The following MTHFD2L variants were observed in gnomAD, a reference collection of about 807,000 sequenced individuals.
MTHFD2L encodes bifunctional methylenetetrahydrofolate dehydrogenase/cyclohydrolase 2, mitochondrial.
In MTHFD2L, 29 loss-of-function variants were observed where a neutral mutation model predicts 34.9. The ratio of observed to expected loss-of-function variants is 0.83; its 90% CI spans 0.62 to 1.13. The LOEUF (loss-of-function observed/expected upper bound fraction) is 1.13, where lower values mean the gene tolerates loss of function less well. Ranked by LOEUF, MTHFD2L falls within the 50% of genes most tolerant of loss-of-function variation. The pLI is 0.00. For missense variants in MTHFD2L, 481 were observed against 446.5 expected, an observed-to-expected ratio of 1.08 and a Z score of -0.70; for synonymous variants, 167 against 155.7, an observed-to-expected ratio of 1.07 and a Z score of -0.54.
At chr4:74,207,421 G>A (rs1023465825) in intron 5 of MTHFD2L, among the ~76,000 whole-genome samples, 20 of 152,112 alleles carry the variant, frequency 1.3e-4, no homozygotes, top group African/African-American at 4.8e-4. Context: ...AGTCCAGTGG[G>A]TCTGGTGTTT....
At chr4:74,263,161 G>A (rs539245929) in intron 6 of MTHFD2L, among the ~76,000 whole-genome samples, 100 of 151,824 alleles carry the variant, frequency 6.6e-4, no homozygotes, top group African/African-American at 9.2e-4. Flanking sequence ...TTATTTCTAC[G>A]TTCTCTATTC....
intron 7 of MTHFD2L, among the ~76,000 whole-genome samples, chr4:74,287,472 C>T (rs1312892792): frequency 1.3e-5 from 2 of 152,128 alleles, no homozygotes; most frequent in African/African-American, 4.8e-5. Flanking sequence ...GCTAGCCAGG[C>T]ATGGTGGCTC....
chr4:74,138,485 C>T (rs1175757030), intron 1 of MTHFD2L, among the ~76,000 whole-genome samples: 1 of 152,140 alleles, frequency 6.6e-6, no homozygotes, highest in Non-Finnish European at 1.5e-5. Flanking sequence ...AGTCATGGGT[C>T]ATGGTAGAGA....
At chr4:74,177,855 C>CT (rs928906205) in intron 3 of MTHFD2L, among the ~76,000 whole-genome samples, 34 of 151,904 alleles carry the variant, frequency 2.2e-4, no homozygotes, top group African/African-American at 7.0e-4. Flanking sequence ...ACTTTAGTGT[C>CT]TATCAGTGGC....
At chr4:74,272,643 G>A (rs757816194) in intron 6 of MTHFD2L, among the ~76,000 whole-genome samples, 1 of 151,996 alleles carries the variant, frequency 6.6e-6, no homozygotes, top group African/African-American at 2.4e-5. Context: ...TATCTGTAGG[G>A]GCCTGAATTT....
At chr4:74,128,784 T>A (rs1269796876) in intron 1 of MTHFD2L, among the ~76,000 whole-genome samples, 1 of 152,096 alleles carries the variant, frequency 6.6e-6, no homozygotes. Flanking sequence ...AGGGATTGCA[T>A]TGAATCTCTA....
At chr4:74,265,649 G>A (rs1451865005) in intron 6 of MTHFD2L, among the ~76,000 whole-genome samples, 1 of 152,186 alleles carries the variant, frequency 6.6e-6, no homozygotes, top group East Asian at 1.9e-4. Flanking sequence ...ATCTGAACTT[G>A]AGCCTTAGAT....
chr4:74,223,022 G>A (rs1208411409), intron 5 of MTHFD2L, among the ~76,000 whole-genome samples: 2 of 151,948 alleles, frequency 1.3e-5, no homozygotes, highest in Non-Finnish European at 2.9e-5. Context: ...GAAAACAGCA[G>A]GGTAATTCCT....
At chr4:74,271,639 T>A (rs1367586296) in intron 6 of MTHFD2L, among the ~76,000 whole-genome samples, 3 of 152,318 alleles carry the variant, frequency 2.0e-5, no homozygotes, top group Non-Finnish European at 2.9e-5. Context: ...CTTAGGATTG[T>A]CTTGGCAGTG....
chr4:74,147,838 C>A (rs1174736057), intron 1 of MTHFD2L, among the ~76,000 whole-genome samples: 1 of 152,078 alleles, frequency 6.6e-6, no homozygotes, highest in Non-Finnish European at 1.5e-5. Flanking sequence ...AAGTCCTTTG[C>A]CCAATTTTAA....
chr4:74,122,722 T>C (rs1042597894), upstream of MTHFD2L, among the ~76,000 whole-genome samples: 9 of 152,210 alleles, frequency 5.9e-5, no homozygotes, highest in East Asian at 1.9e-4. Flanking sequence ...TGAATCTGCA[T>C]TGGATCCTGA....
intron 1 of MTHFD2L, among the ~76,000 whole-genome samples, chr4:74,134,046 C>T (rs1308748060): frequency 2.6e-5 from 4 of 152,076 alleles, no homozygotes; most frequent in African/African-American, 9.7e-5. Context: ...AAAAATCTGC[C>T]CTCAACTCAT....
chr4:74,299,818 A>T (rs2110334527), intron 7 of MTHFD2L, among the ~76,000 whole-genome samples: 1 of 152,182 alleles, frequency 6.6e-6, no homozygotes, highest in South Asian at 2.1e-4. Context: ...TTAAGGGAAC[A>T]GACAGTGCAC....
intron 6 of MTHFD2L, among the ~76,000 whole-genome samples, chr4:74,232,048 T>C (rs1355302985): frequency 6.6e-6 from 1 of 152,234 alleles, no homozygotes; most frequent in Non-Finnish European, 1.5e-5. Flanking sequence ...TGCATGTGAA[T>C]ATTTAAACAA....
At chr4:74,233,280 G>T (rs1229829441) in intron 6 of MTHFD2L, among the ~76,000 whole-genome samples, 3 of 152,156 alleles carry the variant, frequency 2.0e-5, no homozygotes, top group Admixed American at 1.3e-4. Context: ...AGCCTAGTGT[G>T]TGGGGAAGGG....
At chr4:74,195,745 G>T (rs777144593) in intron 3 of MTHFD2L, 1 of 153,228 alleles carries the variant, frequency 6.5e-6, no homozygotes, top group African/African-American at 2.4e-5. Flanking sequence ...TTAGGGAGTC[G>T]TGAGACATCA....
At chr4:74,177,590 C>T (rs1729289074) in intron 3 of MTHFD2L, among the ~76,000 whole-genome samples, 1 of 151,808 alleles carries the variant, frequency 6.6e-6, no homozygotes, top group Admixed American at 6.6e-5. Flanking sequence ...TGGCTGTTAT[C>T]AAGAAAATGA....
intron 6 of MTHFD2L, among the ~76,000 whole-genome samples, chr4:74,237,312 G>C (rs141221700): frequency 3.5e-4 from 54 of 152,238 alleles, no homozygotes; most frequent in African/African-American, 1.3e-3. Flanking sequence ...TTTAGGACTA[G>C]AAAACTCCCT....
At position 74,158,353 on chromosome 4, in the gene MTHFD2L, G is replaced by T. The variant is rs188122519; in HGVS notation, c.143+72G>T. ...GTCGGCGGGGGCGCGGGCGGCGCTC[G>T]CGCGCGTGGGGCCCAAGGCTCGTGG... On this transcript the variant is annotated intron_variant, in intron 1 of 7. Transcript: ENST00000325278. 1.5e-4 allele frequency: 167 copies of T among 1,099,794 alleles called. No individual in the cohort carries two copies. In the African/African-American group the frequency reaches 2.7e-3, roughly 17 times the overall value. 68.1% of individuals were successfully genotyped at this position (1,099,794 alleles called of 1,614,324 possible).
Sources: gnomAD v4.1 joint callset for allele counts (sites outside exome capture counted in the v4.1 genomes callset) on GRCh38, gnomAD v4.1.1 for gene constraint, MANE v1.5 for transcripts, NCBI Gene and HGNC (gene_info 2026-07-23, HGNC 2026-07-21) for gene names.